The following SPOCK3 variants were observed in gnomAD, a reference collection of about 807,000 sequenced individuals.
SPOCK3 encodes the protein SPARC (osteonectin), cwcv and kazal like domains proteoglycan 3, also known as testican-3.
In SPOCK3, 30 loss-of-function variants were observed where a neutral mutation model predicts 56.6. The observed-to-expected ratio is 0.53, with a 90% CI of 0.40 to 0.72. The LOEUF is 0.72. Ranked by LOEUF, SPOCK3 falls within the 30% of genes least tolerant of loss-of-function variation. The pLI is 0.00. For synonymous variants in SPOCK3, 196 were observed against 183.3 expected, an observed-to-expected ratio of 1.07 and a Z score of -0.56; for missense variants, 527 against 530.0, an observed-to-expected ratio of 0.99 and a Z score of 0.06.
intron 2 of SPOCK3, among the ~76,000 whole-genome samples, chr4:167,130,410 A>G (rs143401101): frequency 6.6e-6 from 1 of 152,336 alleles, no homozygotes; most frequent in East Asian, 1.9e-4. Flanking sequence ...TATATGGAAT[A>G]TAAGAATAAG....
intron 6 of SPOCK3, among the ~76,000 whole-genome samples, chr4:166,864,289 G>C (rs1405833101): frequency 6.6e-6 from 1 of 152,170 alleles, no homozygotes; most frequent in African/African-American, 2.4e-5. Context: ...GCAGTGTTAA[G>C]AGGGAAATTT....
intron 5 of SPOCK3, among the ~76,000 whole-genome samples, chr4:166,904,909 AT>A (rs1579600044): frequency 6.6e-6 from 1 of 152,040 alleles, no homozygotes; most frequent in African/African-American, 2.4e-5. Context: ...TAAAATTCAC[AT>A]GTGATAAATG....
At chr4:166,912,275 A>G (rs1437036418) in intron 5 of SPOCK3, among the ~76,000 whole-genome samples, 3 of 152,210 alleles carry the variant, frequency 2.0e-5, no homozygotes, top group Non-Finnish European at 2.9e-5. Context: ...TTAAAAAATA[A>G]TTCTAATGAC....
chr4:166,988,009 AT>A (rs1259413426), intron 4 of SPOCK3, among the ~76,000 whole-genome samples: 1 of 152,174 alleles, frequency 6.6e-6, no homozygotes. Flanking sequence ...GCTTTAAAAA[AT>A]ATAGAAATTT....
intron 2 of SPOCK3, among the ~76,000 whole-genome samples, chr4:167,185,507 C>T (rs1208993926): frequency 6.6e-6 from 1 of 151,974 alleles, no homozygotes; most frequent in Non-Finnish European, 1.5e-5. Context: ...TTTTCTTTCT[C>T]CACCAGAGAA....
intron 2 of SPOCK3, among the ~76,000 whole-genome samples, chr4:167,172,888 A>G (rs1291335238): frequency 6.6e-6 from 1 of 152,182 alleles, no homozygotes; most frequent in African/African-American, 2.4e-5. Context: ...TCAAGAGCAC[A>G]TTACTTTAAA....
intron 2 of SPOCK3, among the ~76,000 whole-genome samples, chr4:167,103,954 G>C (rs1759872832): frequency 6.6e-6 from 1 of 152,120 alleles, no homozygotes; most frequent in Non-Finnish European, 1.5e-5. Flanking sequence ...TGGTAATCCA[G>C]AGAAGATTTT....
At chr4:166,789,445 C>A (rs531343962) in intron 7 of SPOCK3, among the ~76,000 whole-genome samples, 7 of 151,530 alleles carry the variant, frequency 4.6e-5, no homozygotes, top group African/African-American at 9.7e-5. Context: ...AAGAAAAAAA[C>A]CAAAACCAAA....
intron 6 of SPOCK3, among the ~76,000 whole-genome samples, chr4:166,884,870 A>AACACACACACACAC (rs34910996): frequency 2.0e-5 from 3 of 147,470 alleles, no homozygotes; most frequent in African/African-American, 5.0e-5. Context: ...AAACTGGTTA[A>AACACACACACACAC]ACACACACAC....
At chr4:166,898,640 T>C (rs1174717575) in intron 5 of SPOCK3, among the ~76,000 whole-genome samples, 2 of 152,170 alleles carry the variant, frequency 1.3e-5, no homozygotes, top group Non-Finnish European at 2.9e-5. Flanking sequence ...CATTAGGTAG[T>C]GATGTGCTAT....
intron 7 of SPOCK3, 122 bp from the exon 8 acceptor site, chr4:166,754,851 G>C: frequency 1.3e-6 from 1 of 799,162 alleles, no homozygotes; most frequent in African/African-American, 1.7e-5. Context: ...GAGAAGTAGA[G>C]CATTAAATTC....
At chr4:167,160,805 A>C (rs1280059745) in intron 2 of SPOCK3, among the ~76,000 whole-genome samples, 2 of 152,224 alleles carry the variant, frequency 1.3e-5, no homozygotes, top group African/African-American at 4.8e-5. Context: ...CTCCCTATTT[A>C]ATAAATGGTG....
chr4:167,158,660 T>C (rs994194181), intron 2 of SPOCK3, among the ~76,000 whole-genome samples: 1 of 152,028 alleles, frequency 6.6e-6, no homozygotes, highest in African/African-American at 2.4e-5. Flanking sequence ...CTAAGATTAT[T>C]ACAGTTTTCA....
intron 6 of SPOCK3, among the ~76,000 whole-genome samples, chr4:166,851,068 G>C (rs973154021): frequency 1.3e-5 from 2 of 152,236 alleles, no homozygotes; most frequent in African/African-American, 2.4e-5. Flanking sequence ...AAATGTCCCT[G>C]TCTGACAGCT....
At chr4:166,944,640 C>G (rs1741505813) in intron 4 of SPOCK3, among the ~76,000 whole-genome samples, 1 of 151,974 alleles carries the variant, frequency 6.6e-6, no homozygotes, top group Admixed American at 6.5e-5. Flanking sequence ...ATCTGATGTT[C>G]CTTAAAGATT....
chr4:167,126,720 C>G (rs1277643176), intron 2 of SPOCK3, among the ~76,000 whole-genome samples: 1 of 152,120 alleles, frequency 6.6e-6, no homozygotes, highest in Non-Finnish European at 1.5e-5. Flanking sequence ...TCCTTACAAT[C>G]AAGTCCTAAT....
intron 7 of SPOCK3, among the ~76,000 whole-genome samples, chr4:166,767,057 C>A (rs1231388447): frequency 6.6e-6 from 1 of 151,994 alleles, no homozygotes; most frequent in Non-Finnish European, 1.5e-5. Context: ...TTGTTTATTG[C>A]ATCTATTTGA....
chr4:167,067,864 T>C (rs1024395791), intron 2 of SPOCK3, among the ~76,000 whole-genome samples: 5 of 151,956 alleles, frequency 3.3e-5, no homozygotes, highest in East Asian at 3.9e-4. Context: ...AGGGTCCCAA[T>C]TGATGTTACA....
chr4:166,940,305 G>C (rs1190503451), intron 4 of SPOCK3, among the ~76,000 whole-genome samples: 1 of 152,096 alleles, frequency 6.6e-6, no homozygotes, highest in Non-Finnish European at 1.5e-5. Flanking sequence ...AAAACTACAA[G>C]GTGATTTGGC....
Sources: allele counts gnomAD v4.1 joint callset (sites outside exome capture counted in the v4.1 genomes callset), GRCh38; gene constraint gnomAD v4.1.1; transcripts MANE v1.5; gene names NCBI Gene and HGNC (gene_info 2026-07-23, HGNC 2026-07-21).